GOLIM4: variants seen among roughly 807,000 people sequenced by gnomAD.
GOLIM4 encodes 130 kDa golgi-localized phosphoprotein.
In GOLIM4, 71 loss-of-function variants were observed where a neutral mutation model predicts 107.4. The observed-to-expected ratio is 0.66, with a 90% CI of 0.55 to 0.81. The LOEUF (loss-of-function observed/expected upper bound fraction) is 0.81. Among genes scored for constraint, GOLIM4 ranks in the 30% least tolerant of loss-of-function variants. GOLIM4 has a pLI of 0.00. For missense variants in GOLIM4, 830 were observed against 826.1 expected (o/e 1.00, Z -0.06); for synonymous variants, 327 against 294.8 (o/e 1.11, Z -1.12).
chr3:168,028,890 A>G (rs1358944965), intron 11 of GOLIM4, among the ~76,000 whole-genome samples: 4 of 152,230 alleles, frequency 2.6e-5, no homozygotes, highest in Non-Finnish European at 5.9e-5. Context: ...TTTTAAGGCA[A>G]TGATGTGAGG....
Position 168,032,702 on chromosome 3 carries a change from C to A in GOLIM4, c.994G>T (p.Glu332Ter), listed in dbSNP as rs1718400789. 6.2e-7 allele frequency: 1 copy of A among 1,613,998 alleles called. No individual in the cohort carries two copies. Among genetic ancestry groups the A allele is most frequent in the Admixed American group, 1.7e-5 (1 of 59,996 alleles). ...QQEVERREPE[E>*]HQVEEEHRKA... ...CTGTGCTCCTCTTCCACCTGATGCT[C>A]CTCAGGTTCTCTGCGTTCCACTTCT... The change falls in exon 9 of 16, where the codon GAG becomes TAG. Residue 332 changes from glutamate (E) to a stop codon, truncating the protein, a stop_gained. Coordinates refer to ENST00000470487, the MANE Select transcript of GOLIM4 (RefSeq NM_014498.5). LOFTEE classifies it high-confidence loss of function.
intron 1 of GOLIM4, among the ~76,000 whole-genome samples, chr3:168,049,484 G>A (rs919052773): frequency 2.6e-5 from 4 of 152,110 alleles, no homozygotes; most frequent in African/African-American, 4.8e-5. Context: ...TTAAAATTCT[G>A]ATCTACCCTT....
rs1722149745 is a variant in GOLIM4, at chr3:168,095,527, G to T, written c.-242C>A. On this transcript the variant is annotated 5_prime_UTR_variant, in exon 1 of 16. Transcript: ENST00000470487. The stretch of plus-strand genomic sequence containing the variant: ...AACTTCTGCGAGGCTCGTTCTCCGC[G>T]AATGCCCGGGGCCGGGAGGAGGCCC... 1 of 481,482 alleles carries T rather than the reference G, an allele frequency of 2.1e-6. No individual in the cohort carries two copies. Among genetic ancestry groups the T allele is most frequent in the African/African-American group, 2.1e-5 (1 of 47,790 alleles). 29.8% of individuals were successfully genotyped at this position (481,482 alleles called of 1,614,324 possible).
chr3:168,068,368 A>T (rs1720656153), intron 1 of GOLIM4, among the ~76,000 whole-genome samples: 1 of 152,146 alleles, frequency 6.6e-6, no homozygotes, highest in Non-Finnish European at 1.5e-5. Context: ...TGTGTAAGAA[A>T]ATAAAATTAA....
intron 1 of GOLIM4, among the ~76,000 whole-genome samples, chr3:168,059,694 G>A (rs1205113080): frequency 6.6e-6 from 1 of 152,198 alleles, no homozygotes; most frequent in African/African-American, 2.4e-5. Context: ...ATGCTAGCAG[G>A]TAATTATTGC....
chr3:168,040,733 G>A (rs1718939670), intron 7 of GOLIM4, 53 bp downstream of exon 7: 3 of 1,160,888 alleles, frequency 2.6e-6, no homozygotes, highest in Non-Finnish European at 3.9e-6. Flanking sequence ...AAGGAATTGA[G>A]AAATGTTAAG....
chr3:168,079,091 A>G (rs1484382519), intron 1 of GOLIM4, among the ~76,000 whole-genome samples: 1 of 152,224 alleles, frequency 6.6e-6, no homozygotes, highest in African/African-American at 2.4e-5. Flanking sequence ...TTAGCTTAAA[A>G]TAGTCATCAA....
At chr3:168,055,376 C>T (rs1719886643) in intron 1 of GOLIM4, among the ~76,000 whole-genome samples, 1 of 152,140 alleles carries the variant, frequency 6.6e-6, no homozygotes, top group Non-Finnish European at 1.5e-5. Flanking sequence ...GCAAAGGTGG[C>T]TTCTGTTATA....
At chr3:168,074,419 C>G (rs901302491) in intron 1 of GOLIM4, among the ~76,000 whole-genome samples, 1 of 152,048 alleles carries the variant, frequency 6.6e-6, no homozygotes, top group Non-Finnish European at 1.5e-5. Context: ...TAAAGAGGAA[C>G]CAGTGATGAA....
At chr3:168,026,073 T>C (rs1717981469) in intron 12 of GOLIM4, among the ~76,000 whole-genome samples, 1 of 152,176 alleles carries the variant, frequency 6.6e-6, no homozygotes, top group Non-Finnish European at 1.5e-5. Context: ...CCAGACAAGA[T>C]TCTACTTCAA....
intron 7 of GOLIM4, among the ~76,000 whole-genome samples, chr3:168,039,125 A>G (rs1008281353): frequency 6.6e-6 from 1 of 152,110 alleles, no homozygotes; most frequent in African/African-American, 2.4e-5. Context: ...AGCCCAAAGT[A>G]ACTAACACAT....
chr3:168,068,198 A>G (rs1158864731), intron 1 of GOLIM4, among the ~76,000 whole-genome samples: 1 of 152,154 alleles, frequency 6.6e-6, no homozygotes, highest in Non-Finnish European at 1.5e-5. Context: ...CAAGATTTCA[A>G]CAAAACATAG....
chr3:168,079,624 C>T (rs982300697), intron 1 of GOLIM4, among the ~76,000 whole-genome samples: 20 of 152,084 alleles, frequency 1.3e-4, no homozygotes, highest in East Asian at 3.9e-4. Context: ...TATTTGGTTG[C>T]GCTATACACA....
Position 168,043,391 on chromosome 3 carries a change from A to G in GOLIM4, c.505T>C (p.Ser169Pro), listed in dbSNP as rs755220939. 6 of 1,605,968 alleles carry G rather than the reference A, an allele frequency of 3.7e-6. No homozygotes were observed. Among genetic ancestry groups the G allele is most frequent in the Non-Finnish European group, 5.1e-6 (6 of 1,177,254 alleles). Residue 169 changes from serine to proline, a missense_variant, in exon 5 of 16, where the codon TCT becomes CCT. By Grantham distance (74) the Ser-to-Pro change is moderately conservative. Coordinates refer to ENST00000470487, the MANE Select transcript of GOLIM4 (RefSeq NM_014498.5). ...QLQQEKEQEL[S>P]KLKETVYNLR... ...GATTTCCAAATACCTTTTAGCTTAG[A>G]AAGTTCTTGTTCTTTTTCTTGCTGG... is the stretch of plus-strand genomic sequence containing the variant.
chr3:168,039,992 A>G (rs562276372), intron 7 of GOLIM4, among the ~76,000 whole-genome samples: 1 of 152,344 alleles, frequency 6.6e-6, no homozygotes, highest in East Asian at 1.9e-4. Flanking sequence ...TTTTATAAAG[A>G]AAAGAAAACC....
intron 1 of GOLIM4, among the ~76,000 whole-genome samples, chr3:168,075,605 C>G (rs1291957801): frequency 2.0e-5 from 3 of 152,134 alleles, no homozygotes; most frequent in Admixed American, 2.0e-4. Context: ...GCCTTTAGAG[C>G]TTCATTTATC....
chr3:168,029,660 C>CT, intron 10 of GOLIM4, 120 bp downstream of exon 10: 1 of 1,085,268 alleles, frequency 9.2e-7, no homozygotes, highest in Non-Finnish European at 1.3e-6. Flanking sequence ...CCTGCCTTGG[C>CT]TATTTGAGCA....
At chr3:168,037,752 T>C (rs1437177075) in intron 7 of GOLIM4, among the ~76,000 whole-genome samples, 1 of 152,214 alleles carries the variant, frequency 6.6e-6, no homozygotes, top group Non-Finnish European at 1.5e-5. Flanking sequence ...GTCTGTGTAA[T>C]ATTTTTAATA....
chr3:168,064,637 A>C (rs1397307014), intron 1 of GOLIM4, among the ~76,000 whole-genome samples: 1 of 149,606 alleles, frequency 6.7e-6, no homozygotes. Flanking sequence ...GGGTCTCGCT[A>C]CGTTGCCCAG....
Sources: gnomAD v4.1 joint callset for allele counts (sites outside exome capture counted in the v4.1 genomes callset) on GRCh38, gnomAD v4.1.1 for gene constraint, MANE v1.5 for transcripts, NCBI Gene and HGNC (gene_info 2026-07-23, HGNC 2026-07-21) for gene names.